The following ITGB6 variants were observed in gnomAD, a reference collection of about 807,000 sequenced individuals.
ITGB6 encodes integrin beta-6.
In ITGB6, 80 loss-of-function variants were observed where a neutral mutation model predicts 84.5. The ratio of observed to expected loss-of-function variants is 0.95; its 90% CI spans 0.79 to 1.14. The LOEUF (loss-of-function observed/expected upper bound fraction) is 1.14, where lower values mean the gene tolerates loss of function less well. Among genes scored for constraint, ITGB6 ranks in the 50% most tolerant of loss-of-function variants. ITGB6 has a pLI of 0.00. For synonymous variants in ITGB6, 383 were observed against 354.9 expected, an observed-to-expected ratio of 1.08 and a Z score of -0.89; for missense variants, 1,006 against 968.0, an observed-to-expected ratio of 1.04 and a Z score of -0.52.
At chr2:160,110,955 C>T (rs543546148) in intron 13 of ITGB6, among the ~76,000 whole-genome samples, 5 of 152,150 alleles carry the variant, frequency 3.3e-5, no homozygotes, top group Non-Finnish European at 2.9e-5. Flanking sequence ...GTTATGTTTC[C>T]CCTCACTTTT....
At chr2:160,111,739 C>G (rs1345657019) in intron 13 of ITGB6, among the ~76,000 whole-genome samples, 2 of 151,816 alleles carry the variant, frequency 1.3e-5, no homozygotes, top group African/African-American at 2.4e-5. Flanking sequence ...GCCACCATAC[C>G]CGGCTAATTT....
At chr2:160,117,980 C>A (rs1682860519) in intron 12 of ITGB6, among the ~76,000 whole-genome samples, 1 of 152,184 alleles carries the variant, frequency 6.6e-6, no homozygotes, top group Non-Finnish European at 1.5e-5. Context: ...AGTTGAATCT[C>A]TGAATAGACC....
chr2:160,109,755 C>G (rs899788107), intron 13 of ITGB6, among the ~76,000 whole-genome samples: 2 of 152,210 alleles, frequency 1.3e-5, no homozygotes, highest in African/African-American at 4.8e-5. Flanking sequence ...GTTGGTGCAG[C>G]ACCTACTTCT....
chr2:160,159,694 C>T (rs980097776), intron 7 of ITGB6, among the ~76,000 whole-genome samples: 23 of 152,272 alleles, frequency 1.5e-4, no homozygotes, highest in South Asian at 2.1e-4. Flanking sequence ...CCTTTGCACA[C>T]GCCTTTGCCT....
chr2:160,141,744 A>G (rs1684007934), intron 8 of ITGB6, among the ~76,000 whole-genome samples: 1 of 152,192 alleles, frequency 6.6e-6, no homozygotes, highest in African/African-American at 2.4e-5. Flanking sequence ...TTATTATAAA[A>G]ACAACCTCGA....
At chr2:160,171,756 A>G (rs948239243) in intron 6 of ITGB6, among the ~76,000 whole-genome samples, 5 of 152,238 alleles carry the variant, frequency 3.3e-5, no homozygotes, top group African/African-American at 7.2e-5. Flanking sequence ...GTAAGAAAAC[A>G]TATTTCTACA....
intron 4 of ITGB6, among the ~76,000 whole-genome samples, chr2:160,180,119 A>AG (rs1279736101): frequency 2.7e-5 from 4 of 149,968 alleles, no homozygotes; most frequent in Non-Finnish European, 4.4e-5. Flanking sequence ...ACCTCAAAAA[A>AG]AAAAAAAAAC....
chr2:160,149,579 T>C (rs575391827), intron 7 of ITGB6, among the ~76,000 whole-genome samples: 34 of 152,240 alleles, frequency 2.2e-4, no homozygotes, highest in Admixed American at 6.5e-4. Flanking sequence ...TCACCAGCAA[T>C]GGAACAAAGC....
chr2:160,139,917 G>A (rs543320859), intron 8 of ITGB6, among the ~76,000 whole-genome samples: 4 of 152,102 alleles, frequency 2.6e-5, no homozygotes, highest in South Asian at 4.2e-4. Flanking sequence ...AGTACACATC[G>A]GTATTTAAGG....
In ITGB6 at chr2:160,112,095, T is replaced by G. The variant is rs1252096609; in HGVS notation, c.2086A>C (p.Ser696Arg). ...AAACACCCACCTTTTTCATTGATGC[T>G]GTGAATGATGGTTTTCCCCTCATTA... ...TDNEGKTIIH[S>R]INEKDCPKPP... The change falls in exon 13 of 15, where the codon AGC becomes CGC. Residue 696 changes from serine to arginine, a missense_variant. Transcript: ENST00000283249. 3 of 1,613,228 alleles carry G rather than the reference T, an allele frequency of 1.9e-6. No individual in the cohort carries two copies. The highest frequency in any genetic ancestry group is 2.5e-6 in the Non-Finnish European group (3 of 1,179,694).
intron 4 of ITGB6, among the ~76,000 whole-genome samples, chr2:160,190,848 T>C (rs761498753): frequency 1.3e-5 from 2 of 152,188 alleles, no homozygotes; most frequent in African/African-American, 4.8e-5. Context: ...TCCACACTCA[T>C]TGGTTCCCAT....
At chr2:160,168,298 C>T (rs1026781500) in intron 7 of ITGB6, among the ~76,000 whole-genome samples, 4 of 152,178 alleles carry the variant, frequency 2.6e-5, no homozygotes, top group African/African-American at 9.7e-5. Context: ...TAATCAAAGC[C>T]TTCTGTGACA....
intron 10 of ITGB6, among the ~76,000 whole-genome samples, chr2:160,136,436 C>A (rs998273890): frequency 7.7e-4 from 117 of 152,190 alleles, no homozygotes; most frequent in African/African-American, 2.2e-3. Context: ...AATAGGAACA[C>A]TTTTACACTG....
At chr2:160,160,163 G>C (rs1431256144) in intron 7 of ITGB6, among the ~76,000 whole-genome samples, 1 of 152,166 alleles carries the variant, frequency 6.6e-6, no homozygotes, top group Non-Finnish European at 1.5e-5. Context: ...GAATAATCAT[G>C]ACAGAAACCA....
chr2:160,140,467 C>T (rs1367377431), intron 8 of ITGB6, among the ~76,000 whole-genome samples: 1 of 152,198 alleles, frequency 6.6e-6, no homozygotes, highest in African/African-American at 2.4e-5. Flanking sequence ...TTAGTGTTTT[C>T]TAATCTGCTT....
chr2:160,181,857 G>A (rs1014960877), intron 4 of ITGB6, among the ~76,000 whole-genome samples: 4 of 152,188 alleles, frequency 2.6e-5, no homozygotes, highest in Admixed American at 6.5e-5. Context: ...AGGGTCTGGA[G>A]TGGACCTCCA....
At chr2:160,112,402 G>C (rs1682575479) in intron 12 of ITGB6, among the ~76,000 whole-genome samples, 1 of 151,912 alleles carries the variant, frequency 6.6e-6, no homozygotes, top group South Asian at 2.1e-4. Context: ...TCCAGTTGTG[G>C]TCAATCAGGA....
chr2:160,199,680 G>A (rs143384774), intron 1 of ITGB6, among the ~76,000 whole-genome samples: 2 of 152,300 alleles, frequency 1.3e-5, no homozygotes, highest in African/African-American at 2.4e-5. Context: ...TTACTCCTAA[G>A]TGGAAGATCT....
At chr2:160,152,338 T>C (rs1574092369) in intron 7 of ITGB6, among the ~76,000 whole-genome samples, 1 of 152,012 alleles carries the variant, frequency 6.6e-6, no homozygotes, top group East Asian at 1.9e-4. Flanking sequence ...ACAGAATCAA[T>C]GACAAAAACC....
Sources: allele counts gnomAD v4.1 joint callset (sites outside exome capture counted in the v4.1 genomes callset), GRCh38; gene constraint gnomAD v4.1.1; transcripts MANE v1.5; gene names NCBI Gene and HGNC (gene_info 2026-07-23, HGNC 2026-07-21).